The following NT5DC3 variants were observed in gnomAD, a reference collection of about 807,000 sequenced individuals.
NT5DC3 encodes the protein 5'-nucleotidase domain containing 3, also known as 5'-nucleotidase domain-containing protein 3.
NT5DC3 carries 42 observed loss-of-function variants against 67.8 expected under a neutral mutation model. That is an observed-to-expected ratio of 0.62 (90% CI 0.48 to 0.80). The LOEUF (loss-of-function observed/expected upper bound fraction) is 0.80, where lower values mean the gene tolerates loss of function less well. NT5DC3 is among the 30% of genes least tolerant of loss of function. NT5DC3 has a pLI of 0.00. For synonymous variants in NT5DC3, 237 were observed against 255.6 expected, an observed-to-expected ratio of 0.93 and a Z score of 0.69; for missense variants, 570 against 696.4, an observed-to-expected ratio of 0.82 and a Z score of 2.04.
At chr12:103,829,533 C>T (rs1887836251) in intron 1 of NT5DC3, among the ~76,000 whole-genome samples, 2 of 152,132 alleles carry the variant, frequency 1.3e-5, no homozygotes, top group South Asian at 4.1e-4. Flanking sequence ...TTTTGGAGTA[C>T]ATCTCTTATA....
chr12:103,834,285 G>A (rs1418161102), intron 1 of NT5DC3, among the ~76,000 whole-genome samples: 1 of 152,036 alleles, frequency 6.6e-6, no homozygotes, highest in Non-Finnish European at 1.5e-5. Context: ...CTTGAGCTGA[G>A]TTTGATACAG....
intron 1 of NT5DC3, chr12:103,822,069 C>T (rs1373353811): frequency 6.6e-6 from 1 of 151,400 alleles, no homozygotes; most frequent in East Asian, 1.9e-4. Context: ...AAATTTTAAA[C>T]ATTAAAAAGG....
the NT5DC3 span, chr12:103,750,812 C>T: frequency 1.4e-6 from 2 of 1,449,560 alleles, no homozygotes; most frequent in Admixed American, 2.5e-5. Flanking sequence ...CAAAACAGGC[C>T]AAGCCTGGTG....
the NT5DC3 span, chr12:103,746,710 C>A: frequency 6.2e-7 from 1 of 1,612,800 alleles, no homozygotes; most frequent in East Asian, 2.2e-5. Flanking sequence ...CACAGGTAAG[C>A]CACCTTTGTG....
rs748073895 is a variant in NT5DC3 at position 103,785,411 on chromosome 12, T to C, written c.1253A>G (p.Lys418Arg). 5.6e-6 allele frequency: 9 copies of C among 1,614,148 alleles called. No homozygotes were observed. In the East Asian group the frequency reaches 1.6e-4, roughly 28 times the overall value. ...AIIPELRSEL[K>R]IMNTEQYIQT... ...AATGTATTGCTCCGTGTTCATGATT[T>C]TGAGCTCAGATCTCAACTCTGGGAT... Residue 418 changes from lysine (K) to arginine (R), a missense_variant, in exon 12 of 14, where the codon AAA becomes AGA. By Grantham distance (26) the Lys-to-Arg change is conservative. This residue lies in a region of NT5DC3 where 466 missense variants were observed against 608.0 expected (regional missense o/e 0.77). Coordinates refer to ENST00000392876, the MANE Select transcript of NT5DC3 (RefSeq NM_001031701.3).
intron 9 of NT5DC3, among the ~76,000 whole-genome samples, chr12:103,792,049 C>T (rs1489775107): frequency 6.6e-6 from 1 of 152,168 alleles, no homozygotes; most frequent in East Asian, 1.9e-4. Context: ...ACTGATCACC[C>T]CAGAGTTTAG....
At chr12:103,806,566 G>A (rs1455529891) in intron 3 of NT5DC3, among the ~76,000 whole-genome samples, 189 bp from the exon 4 acceptor site, 2 of 152,100 alleles carry the variant, frequency 1.3e-5, no homozygotes, top group African/African-American at 4.8e-5. Flanking sequence ...TGGCCTATCT[G>A]CAAAAGACAG....
At chr12:103,781,790 G>T (rs911938229) in intron 12 of NT5DC3, among the ~76,000 whole-genome samples, 6 of 152,032 alleles carry the variant, frequency 3.9e-5, no homozygotes, top group African/African-American at 7.2e-5. Flanking sequence ...CTCTAGAGTG[G>T]GTACTTAACA....
the NT5DC3 span, among the ~76,000 whole-genome samples, chr12:103,762,750 A>G: frequency 1.9e-3 from 290 of 152,326 alleles, 1 homozygote; most frequent in African/African-American, 6.6e-3. Flanking sequence ...AGCACACCCC[A>G]TGACCTAGCT....
the NT5DC3 span, among the ~76,000 whole-genome samples, chr12:103,760,460 C>T: frequency 6.6e-6 from 1 of 152,186 alleles, no homozygotes; most frequent in South Asian, 2.1e-4. Flanking sequence ...GGGGTTTTGC[C>T]ATGTTGGCCA....
In NT5DC3 at chr12:103,800,415, C is replaced by T. The variant is rs544320380; in HGVS notation, c.525-1738G>A. ...TCAGCCCTTGCTGAGTAGCAGCAGT[C>T]ATGTGTCCACACTGCTAAGGCTCTA... On this transcript the variant is annotated intron_variant, in intron 4 of 13. Transcript: ENST00000392876. Among the ~76,000 whole-genome samples the T allele has an allele frequency of 2.1e-3, 314 of 152,358 alleles. 3 individuals are homozygous for T. Among genetic ancestry groups the T allele is most frequent in the South Asian group, 3.3e-3 (16 of 4,828 alleles).
intron 9 of NT5DC3, 183 bp from the exon 10 acceptor site, chr12:103,789,102 A>T (rs777070933): frequency 6.9e-6 from 4 of 581,746 alleles, no homozygotes; most frequent in Non-Finnish European, 1.2e-5. Context: ...TGTGAAGCCC[A>T]GTATCCAAAG....
At chr12:103,801,340 C>G (rs1394150796) in intron 4 of NT5DC3, among the ~76,000 whole-genome samples, 2 of 141,022 alleles carry the variant, frequency 1.4e-5, no homozygotes, top group African/African-American at 5.3e-5. Flanking sequence ...CACTAAGGTA[C>G]AAGACTTCCT....
intron 1 of NT5DC3, among the ~76,000 whole-genome samples, chr12:103,823,917 T>TA (rs1232620704): frequency 6.6e-6 from 1 of 152,242 alleles, no homozygotes; most frequent in Non-Finnish European, 1.5e-5. Flanking sequence ...TCAGGTGTTT[T>TA]ATCTCCTAGT....
At chr12:103,766,193 A>G (rs1459357983), downstream of NT5DC3, 3 of 1,502,688 alleles carry the variant, frequency 2.0e-6, no homozygotes, top group African/African-American at 1.4e-5. Context: ...GTGCTCAGGG[A>G]GAGTCATGCC....
chr12:103,793,873 C>T lies in NT5DC3; in HGVS notation c.814+64G>A. 5 of 1,363,116 alleles carry T rather than the reference C, an allele frequency of 3.7e-6. No homozygotes were observed. The Admixed American group carries it at 6.8e-5, about 18-fold the overall frequency. 84.4% of individuals were successfully genotyped at this position (1,363,116 alleles called of 1,614,324 possible). A position where few individuals can be genotyped will look rare whatever the true frequency, so the allele number is the denominator to read the frequency against. ...AGCACCTGGAATGCAAAGTAAAATG[C>T]CGGCATGGTTGCAAAAGAAACAGAA... On this transcript the variant is annotated intron_variant, in intron 7 of 13. Transcript: ENST00000392876.
At chr12:103,770,242 A>C (rs986338676), downstream of NT5DC3, among the ~76,000 whole-genome samples, 2 of 152,246 alleles carry the variant, frequency 1.3e-5, no homozygotes, top group Admixed American at 1.3e-4. Context: ...CCTGTCATTA[A>C]AAAATAAATG....
At chr12:103,770,287 T>C (rs1407349059), downstream of NT5DC3, among the ~76,000 whole-genome samples, 1 of 152,218 alleles carries the variant, frequency 6.6e-6, no homozygotes, top group Non-Finnish European at 1.5e-5. Context: ...TAATGTTCTA[T>C]AACAGAAAGA....
chr12:103,750,244 C>A, the NT5DC3 span, among the ~76,000 whole-genome samples: 1 of 152,170 alleles, frequency 6.6e-6, no homozygotes, highest in African/African-American at 2.4e-5. Context: ...TGTACAGAAA[C>A]AAATGCATGG....
Sources: gnomAD v4.1 joint callset for allele counts (sites outside exome capture counted in the v4.1 genomes callset) on GRCh38, gnomAD v4.1.1 for gene constraint, gnomAD v4.1.1 regional missense constraint, MANE v1.5 for transcripts, NCBI Gene and HGNC (gene_info 2026-07-23, HGNC 2026-07-21) for gene names.